The following IQCJ variants were observed in gnomAD, a reference collection of about 807,000 sequenced individuals.
The protein encoded by IQCJ is IQ domain-containing protein J.
In IQCJ, 9 loss-of-function variants were observed where a neutral mutation model predicts 11.0. The observed-to-expected ratio is 0.82, with a 90% confidence interval of 0.49 to 1.43. IQCJ has a LOEUF of 1.43. IQCJ is among the 40% of genes most tolerant of loss of function. The probability of loss-of-function intolerance (pLI) is 0.00; values close to 1 mark genes in which losing one functional copy is unlikely to be tolerated. For synonymous variants in IQCJ, 55 were observed against 51.3 expected (o/e 1.07, Z -0.31); for missense variants, 146 against 133.2 (o/e 1.10, Z -0.47).
chr3:159,236,700 G>A (rs1726614232), intron 1 of IQCJ, among the ~76,000 whole-genome samples: 1 of 152,194 alleles, frequency 6.6e-6, no homozygotes, highest in Non-Finnish European at 1.5e-5. Flanking sequence ...AGCCTAGCTA[G>A]CTTCATAAAT....
chr3:159,075,538 T>A (rs1466838632), intron 1 of IQCJ, among the ~76,000 whole-genome samples: 4 of 152,054 alleles, frequency 2.6e-5, no homozygotes, highest in African/African-American at 4.8e-5. Context: ...ATTTGCACAC[T>A]CTGACCTCCA....
chr3:159,188,339 G>A (rs961757913), intron 1 of IQCJ, among the ~76,000 whole-genome samples: 2 of 152,206 alleles, frequency 1.3e-5, no homozygotes, highest in African/African-American at 2.4e-5. Context: ...GAACCTGGGA[G>A]GTGGAGGTTG....
intron 1 of IQCJ, among the ~76,000 whole-genome samples, chr3:159,209,093 T>A (rs901341278): frequency 6.6e-6 from 1 of 152,092 alleles, no homozygotes; most frequent in Admixed American, 6.5e-5. Context: ...ATGTTGCCTT[T>A]CCCAAGACCA....
chr3:159,187,018 G>A (rs1723408215), intron 1 of IQCJ, among the ~76,000 whole-genome samples: 1 of 152,200 alleles, frequency 6.6e-6, no homozygotes, highest in South Asian at 2.1e-4. Context: ...ATCCAGTCTT[G>A]TGATTTGCCT....
intron 1 of IQCJ, among the ~76,000 whole-genome samples, chr3:159,188,478 G>A (rs183617760): frequency 6.6e-6 from 1 of 152,066 alleles, no homozygotes; most frequent in Admixed American, 6.6e-5. Flanking sequence ...AACAGCTTTA[G>A]ATTTACATAA....
At chr3:159,265,043 T>A (rs574725871), downstream of IQCJ, among the ~76,000 whole-genome samples, 1 of 151,444 alleles carries the variant, frequency 6.6e-6, no homozygotes, top group Admixed American at 6.6e-5. Flanking sequence ...ATGACAGTGA[T>A]GTGACATTAA....
intron 1 of IQCJ, among the ~76,000 whole-genome samples, chr3:159,109,629 G>A (rs35886359): frequency 2.0e-5 from 3 of 151,294 alleles, no homozygotes; most frequent in Non-Finnish European, 4.4e-5. Flanking sequence ...CTGGTTTCTA[G>A]AGACAGCCTT....
chr3:159,224,564 G>A (rs1725733430), intron 1 of IQCJ, among the ~76,000 whole-genome samples: 1 of 152,112 alleles, frequency 6.6e-6, no homozygotes, highest in African/African-American at 2.4e-5. Context: ...ATAAATTAAT[G>A]GATTTAGGTA....
intron 1 of IQCJ, among the ~76,000 whole-genome samples, chr3:159,158,498 CTGCCAGCATTATGATTAGTACAA>C (rs1338866160): frequency 6.6e-6 from 1 of 152,172 alleles, no homozygotes; most frequent in Non-Finnish European, 1.5e-5. Context: ...TTTTGGAGAG[CTGCCAGCATTATGATTAGTACAA>C]TGCCAGCATT....
At chr3:159,222,294 C>T (rs894482920) in intron 1 of IQCJ, among the ~76,000 whole-genome samples, 15 of 152,072 alleles carry the variant, frequency 9.9e-5, no homozygotes, top group Non-Finnish European at 1.8e-4. Context: ...TCTACACATA[C>T]GCATGAAATA....
At chr3:159,165,477 G>C (rs910145545) in intron 1 of IQCJ, among the ~76,000 whole-genome samples, 1 of 152,060 alleles carries the variant, frequency 6.6e-6, no homozygotes, top group African/African-American at 2.4e-5. Context: ...TATTACACAG[G>C]CAATTGTGTA....
At chr3:159,177,405 T>C (rs4342140) in intron 1 of IQCJ, among the ~76,000 whole-genome samples, 32,474 of 152,170 alleles carry the variant, frequency 0.21, 4,377 homozygotes, top group South Asian at 0.38. Flanking sequence ...ACTGAGACTC[T>C]TTGCTGGTGG....
intron 1 of IQCJ, among the ~76,000 whole-genome samples, chr3:159,174,884 C>G (rs1382557223): frequency 6.6e-6 from 1 of 151,966 alleles, no homozygotes; most frequent in Non-Finnish European, 1.5e-5. Context: ...ATGTCTGAGA[C>G]TCTCTCAAGA....
At chr3:159,109,447 C>T (rs1421158014) in intron 1 of IQCJ, among the ~76,000 whole-genome samples, 1 of 132,942 alleles carries the variant, frequency 7.5e-6, no homozygotes, top group Admixed American at 8.8e-5. Flanking sequence ...CAAATAGCCA[C>T]ATTTAAAAAA....
At chr3:159,219,855 C>A (rs893886182) in intron 1 of IQCJ, among the ~76,000 whole-genome samples, 4 of 152,100 alleles carry the variant, frequency 2.6e-5, no homozygotes, top group Admixed American at 2.0e-4. Context: ...AGTGCTCTCT[C>A]AGTGTCAGTC....
intron 1 of IQCJ, among the ~76,000 whole-genome samples, chr3:159,085,815 T>C (rs1250334858): frequency 6.6e-6 from 1 of 151,572 alleles, no homozygotes. Flanking sequence ...TTCTGGATAT[T>C]AGCCCTTTGT....
chr3:159,199,118 C>T (rs1300035093), intron 1 of IQCJ, among the ~76,000 whole-genome samples: 2 of 152,098 alleles, frequency 1.3e-5, no homozygotes, highest in African/African-American at 4.8e-5. Flanking sequence ...AATAATGGCC[C>T]CTCAATGGTT....
intron 1 of IQCJ, among the ~76,000 whole-genome samples, chr3:159,180,385 T>TA (rs1256062485): frequency 2.0e-5 from 3 of 150,662 alleles, no homozygotes; most frequent in African/African-American, 7.5e-5. Context: ...AATATGATTT[T>TA]TAAAATTATC....
chr3:159,222,428 A>G (rs1465776215), intron 1 of IQCJ, among the ~76,000 whole-genome samples: 2 of 152,210 alleles, frequency 1.3e-5, no homozygotes, highest in African/African-American at 4.8e-5. Flanking sequence ...GCCAGGCACA[A>G]AAAGAAAAAT....
Sources: gnomAD v4.1 joint callset for allele counts (sites outside exome capture counted in the v4.1 genomes callset) on GRCh38, gnomAD v4.1.1 for gene constraint, MANE v1.5 for transcripts, NCBI Gene and HGNC (gene_info 2026-07-23, HGNC 2026-07-21) for gene names.